The following CTTNBP2 variants were observed in gnomAD, a reference collection of about 807,000 sequenced individuals.
The protein encoded by CTTNBP2 is cortactin binding protein 2, also known as cortactin-binding protein 2.
A neutral mutation model predicts 156.9 loss-of-function variants in CTTNBP2; 108 were observed. The ratio of observed to expected loss-of-function variants is 0.69; its 90% confidence interval spans 0.59 to 0.81. The LOEUF is 0.81. Ranked by LOEUF, CTTNBP2 falls within the 30% of genes least tolerant of loss-of-function variation. CTTNBP2 has a pLI of 0.00. For missense variants in CTTNBP2, 1,924 were observed against 2,035.4 expected (o/e 0.95, Z 1.05); for synonymous variants, 767 against 751.8 (o/e 1.02, Z -0.33).
chr7:117,834,782 A>G (rs978136514), intron 2 of CTTNBP2, among the ~76,000 whole-genome samples: 11 of 152,248 alleles, frequency 7.2e-5, no homozygotes, highest in Non-Finnish European at 1.6e-4. Context: ...ATTGCTTTCA[A>G]GAAGTGATGA....
intron 12 of CTTNBP2, among the ~76,000 whole-genome samples, chr7:117,751,605 C>G (rs769464627): frequency 6.6e-6 from 1 of 152,086 alleles, no homozygotes; most frequent in African/African-American, 2.4e-5. Context: ...GAATTCTTCA[C>G]GGTAGAAAGC....
At chr7:117,721,169 C>G in intron 19 of CTTNBP2, 39 bp from the exon 20 acceptor site, 1 of 1,163,796 alleles carries the variant, frequency 8.6e-7, no homozygotes, top group Non-Finnish European at 1.3e-6. Flanking sequence ...GATCATTATC[C>G]CTGTGCCTCT....
intron 22 of CTTNBP2, chr7:117,715,717 C>G (rs1372426518): frequency 6.6e-6 from 1 of 152,126 alleles, no homozygotes; most frequent in African/African-American, 2.4e-5. Flanking sequence ...TATATTGTTG[C>G]AAATAATAAA....
intron 3 of CTTNBP2, among the ~76,000 whole-genome samples, chr7:117,798,062 CAT>C (rs1340295255): frequency 6.6e-6 from 1 of 152,020 alleles, no homozygotes; most frequent in African/African-American, 2.4e-5. Flanking sequence ...AAATTAAAGA[CAT>C]ATTACGTACA....
intron 3 of CTTNBP2, among the ~76,000 whole-genome samples, chr7:117,806,744 ATTTTTTTTTTTTTT>A (rs3059529): frequency 8.4e-6 from 1 of 119,226 alleles, no homozygotes; most frequent in Non-Finnish European, 1.7e-5. Context: ...TCTTTTTCTC[ATTTTTTTTTTTTTT>A]TTTTTTTTTT....
At chr7:117,861,168 A>C (rs763180681) in intron 2 of CTTNBP2, 41 bp downstream of exon 2, 11 of 1,258,706 alleles carry the variant, frequency 8.7e-6, no homozygotes, top group Non-Finnish European at 1.2e-5. Flanking sequence ...TGAAAAAAGC[A>C]AATGATCCAG....
At chr7:117,789,708 T>C (rs1388269003) in intron 4 of CTTNBP2, among the ~76,000 whole-genome samples, 2 of 152,032 alleles carry the variant, frequency 1.3e-5, no homozygotes, top group Non-Finnish European at 2.9e-5. Flanking sequence ...ATATCACCTC[T>C]ATTTATTGAT....
chr7:117,823,069 G>C (rs1351851988), intron 2 of CTTNBP2, among the ~76,000 whole-genome samples: 5 of 152,076 alleles, frequency 3.3e-5, no homozygotes, highest in Non-Finnish European at 5.9e-5. Flanking sequence ...ATTATAAACT[G>C]TATTATCTCT....
intron 9 of CTTNBP2, among the ~76,000 whole-genome samples, chr7:117,761,194 T>C (rs1584958279): frequency 6.6e-6 from 1 of 152,196 alleles, no homozygotes; most frequent in Admixed American, 6.5e-5. Flanking sequence ...CGTGTTCTTG[T>C]AAATTGATCT....
intron 8 of CTTNBP2, among the ~76,000 whole-genome samples, chr7:117,776,970 A>T (rs1798138917): frequency 1.3e-5 from 2 of 152,276 alleles, no homozygotes; most frequent in African/African-American, 4.8e-5. Context: ...TAACATCAGA[A>T]AAACATGAAA....
At chr7:117,847,929 C>T (rs1462297726) in intron 2 of CTTNBP2, among the ~76,000 whole-genome samples, 1 of 147,974 alleles carries the variant, frequency 6.8e-6, no homozygotes, top group Non-Finnish European at 1.5e-5. Context: ...AGTGATTCTC[C>T]TGCCTCAGCC....
intron 3 of CTTNBP2, among the ~76,000 whole-genome samples, chr7:117,799,753 T>C (rs1584444839): frequency 6.6e-6 from 1 of 152,054 alleles, no homozygotes; most frequent in Non-Finnish European, 1.5e-5. Context: ...TTTATATTTT[T>C]AACCTAGAAA....
intron 8 of CTTNBP2, 56 bp downstream of exon 8, chr7:117,777,455 C>T (rs1798164963): frequency 3.8e-6 from 6 of 1,568,018 alleles, no homozygotes; most frequent in East Asian, 2.3e-5. Context: ...TAGCAGACAA[C>T]TTTGCTGCTC....
chr7:117,711,469 T>C lies in CTTNBP2; in HGVS notation c.*68A>G. ...AACATTTTATCAATTTAAAGGTATT[T>C]GTATCTTGTTGTCCTTGGTTTCTGT... On this transcript the variant is annotated 3_prime_UTR_variant, in exon 23 of 23. Transcript: ENST00000160373. The C allele has an allele frequency of 6.8e-7, 1 of 1,476,806 alleles. No homozygotes were observed. Among genetic ancestry groups the C allele is most frequent in the Non-Finnish European group, 9.2e-7 (1 of 1,092,834 alleles). 91.5% of individuals were successfully genotyped at this position (1,476,806 alleles called of 1,614,324 possible).
intron 19 of CTTNBP2, among the ~76,000 whole-genome samples, chr7:117,723,463 TGAGA>T (rs893783846): frequency 6.6e-5 from 10 of 152,272 alleles, no homozygotes; most frequent in African/African-American, 9.6e-5. Flanking sequence ...ACAAATACTT[TGAGA>T]GAGGAGGAAA....
intron 8 of CTTNBP2, among the ~76,000 whole-genome samples, chr7:117,774,329 T>G (rs1797981116): frequency 2.0e-5 from 3 of 152,174 alleles, no homozygotes; most frequent in African/African-American, 7.2e-5. Flanking sequence ...AGACTTAGTT[T>G]CTTTATCTAC....
At chr7:117,720,485 G>A (rs1181652053) in intron 20 of CTTNBP2, among the ~76,000 whole-genome samples, 1 of 152,134 alleles carries the variant, frequency 6.6e-6, no homozygotes, top group East Asian at 1.9e-4. Flanking sequence ...CACAAGGTCA[G>A]GAGTTCGAAA....
At chr7:117,873,287 C>A (rs1053232918) in intron 1 of CTTNBP2, 48 bp downstream of exon 1, 1 of 1,305,352 alleles carries the variant, frequency 7.7e-7, no homozygotes, top group Non-Finnish European at 9.8e-7. Flanking sequence ...GCGCCGCCCC[C>A]GGCCCGCGTC....
chr7:117,750,593 G>T (rs1422301035), intron 12 of CTTNBP2, among the ~76,000 whole-genome samples: 1 of 151,998 alleles, frequency 6.6e-6, no homozygotes, highest in East Asian at 1.9e-4. Context: ...CTCATCAAAT[G>T]ATATAGTCAT....
Sources: allele counts gnomAD v4.1 joint callset (sites outside exome capture counted in the v4.1 genomes callset), GRCh38; gene constraint gnomAD v4.1.1; transcripts MANE v1.5; gene names NCBI Gene and HGNC (gene_info 2026-07-23, HGNC 2026-07-21).